The following ZNF292 variants were observed in gnomAD, a reference collection of about 807,000 sequenced individuals.
ZNF292 encodes 16 zinc-finger domain protein.
ZNF292 carries 26 observed loss-of-function variants against 217.9 expected under a neutral mutation model. The ratio of observed to expected loss-of-function variants is 0.12; its 90% CI spans 0.09 to 0.17. ZNF292 has a LOEUF of 0.17. Among genes scored for constraint, ZNF292 ranks in the 10% least tolerant of loss-of-function variants. The pLI is 1.00. For missense variants in ZNF292, 2,904 were observed against 3,175.2 expected, an observed-to-expected ratio of 0.91 and a Z score of 2.05; for synonymous variants, 1,257 against 1,124.1, an observed-to-expected ratio of 1.12 and a Z score of -2.37.
intron 1 of ZNF292, among the ~76,000 whole-genome samples, chr6:87,164,320 A>G (rs1195540626): frequency 6.6e-6 from 1 of 152,170 alleles, no homozygotes; most frequent in Non-Finnish European, 1.5e-5. Flanking sequence ...TTCTTTACAT[A>G]GCATCAAGAG....
chr6:87,221,572 T>G (rs1420749729), intron 4 of ZNF292, among the ~76,000 whole-genome samples: 1 of 152,190 alleles, frequency 6.6e-6, no homozygotes, highest in African/African-American at 2.4e-5. Flanking sequence ...AGTATAAATC[T>G]CTCTTTCACT....
intron 1 of ZNF292, among the ~76,000 whole-genome samples, chr6:87,201,840 T>A (rs2127789662): frequency 6.6e-6 from 1 of 152,390 alleles, no homozygotes; most frequent in East Asian, 1.9e-4. Context: ...TATGGAATAG[T>A]CTGTACTTTC....
intron 1 of ZNF292, among the ~76,000 whole-genome samples, chr6:87,164,762 CTTT>C (rs36077738): frequency 0.014 from 1,811 of 128,314 alleles, 36 homozygotes; most frequent in African/African-American, 0.049. Flanking sequence ...GGAATGACCT[CTTT>C]TTTTTTTTTT....
rs1775158017 is a variant in ZNF292, at chr6:87,255,466, C to G, written c.1837C>G (p.Pro613Ala). 2 of 1,613,468 alleles carry G rather than the reference C, an allele frequency of 1.2e-6. No individual in the cohort carries two copies. The highest frequency in any genetic ancestry group is 1.7e-6 in the Non-Finnish European group (2 of 1,179,782). ...MKPLRRLGRP[P>A]KITTTNENQK... ...ACCATTAAGAAGATTGGGAAGGCCT[C>G]CAAAGATCACAACTACCAATGAAAA... The change falls in exon 8 of 8, where the codon CCA (proline) becomes GCA (alanine). Residue 613 changes from proline (P) to alanine (A), a missense_variant. Transcript: ENST00000369577.
In ZNF292 at chr6:87,263,888, C is replaced by T. The variant is rs1003152055; in HGVS notation, c.*2087C>T. ...ATTTCTGATCATTGTAACTATGAGCCACTGTTAAGTGAAAATGCCAATGTA... is the reference window on the plus strand; with the variant it reads ...ATTTCTGATCATTGTAACTATGAGCTACTGTTAAGTGAAAATGCCAATGTA... On this transcript the variant is annotated 3_prime_UTR_variant, in exon 8 of 8. Transcript: ENST00000369577. 2 of 151,992 alleles carry T rather than the reference C, an allele frequency of 1.3e-5. No homozygotes were observed. The highest frequency in any genetic ancestry group is 4.8e-5 in the African/African-American group (2 of 41,372). The allele number at this position is 151,992 out of a possible 1,614,324, so 9.4% of individuals were successfully genotyped here.
chr6:87,238,135 A>G (rs1352128283), intron 5 of ZNF292, among the ~76,000 whole-genome samples: 1 of 152,190 alleles, frequency 6.6e-6, no homozygotes, highest in African/African-American at 2.4e-5. Context: ...TTCAGTTGGT[A>G]TGTTGCATGT....
At chr6:87,163,338 C>T (rs565329559) in intron 1 of ZNF292, among the ~76,000 whole-genome samples, 43 of 152,074 alleles carry the variant, frequency 2.8e-4, no homozygotes, top group African/African-American at 9.2e-4. Flanking sequence ...GTTGTCCCAG[C>T]TACTCAGGAG....
chr6:87,231,140 TGAA>T (rs1277152153), intron 4 of ZNF292, among the ~76,000 whole-genome samples: 1 of 152,056 alleles, frequency 6.6e-6, no homozygotes, highest in African/African-American at 2.4e-5. Flanking sequence ...AAAAAAGTAG[TGAA>T]GAAGTAGAGG....
At chr6:87,254,216 GAAGT>G (rs1487165891) in intron 7 of ZNF292, among the ~76,000 whole-genome samples, 12 of 152,302 alleles carry the variant, frequency 7.9e-5, no homozygotes, top group African/African-American at 2.6e-4. Flanking sequence ...ATGCAAACAG[GAAGT>G]AAGAGTTACA....
In ZNF292 at chr6:87,160,364, C is replaced by G. The variant is rs572891443; in HGVS notation, c.168+4605C>G. 3.3e-5 allele frequency among the ~76,000 whole-genome samples: 5 copies of G among 152,132 alleles called. No homozygotes were observed. In the East Asian group the frequency reaches 9.7e-4, roughly 29 times the overall value. On this transcript the variant is annotated intron_variant, in intron 1 of 7. Coordinates refer to ENST00000369577, the MANE Select transcript of ZNF292 (RefSeq NM_015021.3). ...TGACAGCACTATATACTGGACTGGC[C>G]GACTGGTTGATTGTAACTGTTATTG...
rs527458670 is a variant in ZNF292 at position 87,177,870 on chromosome 6, C to T, written c.168+22111C>T. Reference sequence around the variant, plus strand: ...TGTTCCATGAAAACTAAAATTCTAGCTCATAAACCTTACATTCAGGAATAT... The same window carrying T: ...TGTTCCATGAAAACTAAAATTCTAGTTCATAAACCTTACATTCAGGAATAT... On this transcript the variant is annotated intron_variant, in intron 1 of 7. Transcript: ENST00000369577. Among the ~76,000 whole-genome samples the T allele has an allele frequency of 1.5e-4, 23 of 152,206 alleles. 1 individual carries two copies. The highest frequency in any genetic ancestry group is 7.3e-5 in the Non-Finnish European group (5 of 68,036).
intron 1 of ZNF292, among the ~76,000 whole-genome samples, chr6:87,188,396 C>T (rs1771726613): frequency 6.6e-6 from 1 of 152,130 alleles, no homozygotes; most frequent in Admixed American, 6.6e-5. Flanking sequence ...GTAGAAATCC[C>T]TTACTGTCTT....
intron 1 of ZNF292, among the ~76,000 whole-genome samples, chr6:87,182,883 C>T (rs1340476486): frequency 6.6e-6 from 1 of 152,088 alleles, no homozygotes; most frequent in Non-Finnish European, 1.5e-5. Flanking sequence ...ACTTCCTGGT[C>T]CTACTGCTTT....
chr6:87,184,407 A>G (rs1771571022), intron 1 of ZNF292, among the ~76,000 whole-genome samples: 1 of 149,650 alleles, frequency 6.7e-6, no homozygotes, highest in African/African-American at 2.5e-5. Context: ...CACCAGTAAT[A>G]ATTAGCTTTT....
intron 5 of ZNF292, among the ~76,000 whole-genome samples, chr6:87,237,083 T>G (rs1359659742): frequency 2.0e-5 from 3 of 152,224 alleles, no homozygotes; most frequent in Non-Finnish European, 4.4e-5. Context: ...CAGTGTGAAA[T>G]ATCTTCTTAG....
chr6:87,216,555 A>C (rs1025211520), intron 3 of ZNF292, among the ~76,000 whole-genome samples, 178 bp downstream of exon 3: 2 of 151,964 alleles, frequency 1.3e-5, no homozygotes, highest in Non-Finnish European at 2.9e-5. Flanking sequence ...TGCTAAATGT[A>C]TATATACATT....
chr6:87,235,356 C>T (rs1410637345), intron 5 of ZNF292, among the ~76,000 whole-genome samples: 1 of 152,080 alleles, frequency 6.6e-6, no homozygotes, highest in Non-Finnish European at 1.5e-5. Flanking sequence ...TCTGACCTCC[C>T]TTCCCCTTCC....
chr6:87,222,243 A>T (rs955578767), intron 4 of ZNF292, among the ~76,000 whole-genome samples: 4 of 152,108 alleles, frequency 2.6e-5, no homozygotes, highest in African/African-American at 9.7e-5. Context: ...TCATAACCAT[A>T]AAAAGGTCAT....
chr6:87,218,785 G>C, intron 4 of ZNF292, 54 bp downstream of exon 4: 18 of 1,491,442 alleles, frequency 1.2e-5, no homozygotes, highest in Non-Finnish European at 1.6e-5. Context: ...GAAAAAATAA[G>C]TGTTAAAGTT....
Sources: gnomAD v4.1 joint callset for allele counts (sites outside exome capture counted in the v4.1 genomes callset) on GRCh38, gnomAD v4.1.1 for gene constraint, MANE v1.5 for transcripts, NCBI Gene and HGNC (gene_info 2026-07-23, HGNC 2026-07-21) for gene names.